Variants in PTPRD observed in about 807,000 individuals in gnomAD.
PTPRD encodes the protein protein tyrosine phosphatase receptor type D, also known as receptor-type tyrosine-protein phosphatase delta.
PTPRD carries 34 observed loss-of-function variants against 214.5 expected under a neutral mutation model. The observed-to-expected ratio is 0.16, with a 90% CI of 0.12 to 0.21. The LOEUF is 0.21. Among genes scored for constraint, PTPRD ranks in the 10% least tolerant of loss-of-function variants. The probability of loss-of-function intolerance (pLI) is 1.00; values close to 1 mark genes in which losing one functional copy is unlikely to be tolerated. For missense variants in PTPRD, 2,545 were observed against 2,398.7 expected, an observed-to-expected ratio of 1.06 and a Z score of -1.27; for synonymous variants, 1,128 against 845.7, an observed-to-expected ratio of 1.33 and a Z score of -5.79.
chr9:9,057,632 G>A (rs10816040), intron 10 of PTPRD, among the ~76,000 whole-genome samples: 19,575 of 151,708 alleles, frequency 0.13, 1,489 homozygotes, highest in East Asian at 0.34. Context: ...ATAATTTCTC[G>A]TAAAGTACAT....
At chr9:9,924,732 TA>T (rs2083674314) in intron 5 of PTPRD, among the ~76,000 whole-genome samples, 1 of 152,094 alleles carries the variant, frequency 6.6e-6, no homozygotes, top group South Asian at 2.1e-4. Context: ...TTCGTATCTC[TA>T]AAAATAATTG....
chr9:9,718,570 G>A (rs1007641072), intron 7 of PTPRD, among the ~76,000 whole-genome samples: 1 of 152,220 alleles, frequency 6.6e-6, no homozygotes. Flanking sequence ...AGAGACCCAG[G>A]AAGCCCCCTT....
chr9:8,922,496 A>C (rs2098834620), intron 11 of PTPRD, among the ~76,000 whole-genome samples: 3 of 152,240 alleles, frequency 2.0e-5, no homozygotes, highest in African/African-American at 7.2e-5. Flanking sequence ...AACAATAGTC[A>C]TAATAACATT....
chr9:9,626,885 T>C (rs1172584895), intron 7 of PTPRD, among the ~76,000 whole-genome samples: 1 of 152,032 alleles, frequency 6.6e-6, no homozygotes, highest in African/African-American at 2.4e-5. Flanking sequence ...TGAAAGGAGA[T>C]GAAGGAAAAA....
At chr9:9,581,800 A>T (rs1401078506) in intron 7 of PTPRD, among the ~76,000 whole-genome samples, 3 of 152,160 alleles carry the variant, frequency 2.0e-5, no homozygotes, top group African/African-American at 7.2e-5. Flanking sequence ...TGAATAATGT[A>T]TGTAAATCTA....
At position 10,278,761 on chromosome 9, in the gene PTPRD, G is replaced by GT. The variant is rs550606488; in HGVS notation, c.-545+62201dup. 1.6e-3 allele frequency among the ~76,000 whole-genome samples: 242 copies of GT among 147,664 alleles called. 2 individuals are homozygous for GT. Among genetic ancestry groups the GT allele is most frequent in the South Asian group, 0.011 (53 of 4,630 alleles). On this transcript the variant is annotated intron_variant, in intron 3 of 45. Coordinates refer to ENST00000381196, the MANE Select transcript of PTPRD (RefSeq NM_002839.4). ...ATCTTATCTTCATGTGTGGTAAAAG[G>GT]TTTTTTTTTTGTTTTGTTTTGTTTT...
chr9:8,536,142 G>C (rs889968470), intron 14 of PTPRD, among the ~76,000 whole-genome samples: 1 of 151,760 alleles, frequency 6.6e-6, no homozygotes, highest in African/African-American at 2.4e-5. Context: ...ATTAAAGAAA[G>C]TCTTTCAGCT....
At chr9:8,344,009 T>C (rs1855080679) in intron 39 of PTPRD, among the ~76,000 whole-genome samples, 1 of 152,082 alleles carries the variant, frequency 6.6e-6, no homozygotes, top group Admixed American at 6.6e-5. Flanking sequence ...TCACTTTAAG[T>C]AGTCTCTTTG....
intron 10 of PTPRD, among the ~76,000 whole-genome samples, chr9:9,176,370 T>C (rs1292596074): frequency 6.6e-6 from 1 of 152,208 alleles, no homozygotes; most frequent in Admixed American, 6.5e-5. Flanking sequence ...TCTATCTATA[T>C]AGTTCTATGC....
At chr9:10,381,149 T>A (rs1274398463) in intron 2 of PTPRD, among the ~76,000 whole-genome samples, 1 of 151,924 alleles carries the variant, frequency 6.6e-6, no homozygotes, top group Non-Finnish European at 1.5e-5. Flanking sequence ...ATTTTTTAAA[T>A]GCTCCCAACT....
intron 5 of PTPRD, among the ~76,000 whole-genome samples, chr9:9,910,425 C>G (rs7871708): frequency 7.7e-4 from 117 of 151,480 alleles, no homozygotes; most frequent in African/African-American, 2.7e-3. Flanking sequence ...AATAATCCCA[C>G]GATTTTCTAG....
chr9:8,318,395 C>G (rs1315516129), intron 45 of PTPRD, among the ~76,000 whole-genome samples: 1 of 152,048 alleles, frequency 6.6e-6, no homozygotes, highest in Admixed American at 6.6e-5. Flanking sequence ...TGAGAAAAAT[C>G]TGAATTTACT....
rs35142087 is a variant in PTPRD at position 10,056,320 on chromosome 9, CA to C, written c.-544-22531del. On this transcript the variant is annotated intron_variant, in intron 3 of 45. Transcript: ENST00000381196. The stretch of plus-strand genomic sequence containing the variant: ...TGGGTGACAGAGAGAGACTCCATCT[CA>C]AAAAAAAAAAAAAGTGTCTATTAAA... Among the ~76,000 whole-genome samples, 590 of 126,938 alleles carry C rather than the reference CA, an allele frequency of 4.6e-3. 1 individual carries two copies. The Middle Eastern group carries it at 0.082, about 18-fold the overall frequency. The allele number at this position is 126,938 out of a possible 152,430, so 83.3% of individuals were successfully genotyped here. A position where few individuals can be genotyped will look rare whatever the true frequency, so the allele number is the denominator to read the frequency against.
intron 11 of PTPRD, among the ~76,000 whole-genome samples, chr9:8,935,155 A>G (rs2154288994): frequency 6.6e-6 from 1 of 152,302 alleles, no homozygotes; most frequent in East Asian, 1.9e-4. Context: ...AAAAGGAAGA[A>G]GTAAAATTGC....
chr9:10,535,049 C>T (rs187097524), intron 2 of PTPRD, among the ~76,000 whole-genome samples: 68 of 152,282 alleles, frequency 4.5e-4, no homozygotes, highest in African/African-American at 1.6e-3. Flanking sequence ...TTGTTTACAG[C>T]TGGGGGATGG....
intron 3 of PTPRD, among the ~76,000 whole-genome samples, chr9:10,049,355 G>A (rs1232473522): frequency 7.4e-6 from 1 of 135,384 alleles, no homozygotes; most frequent in Non-Finnish European, 1.5e-5. Context: ...AGCTTCTTTA[G>A]AACATACTGA....
Position 8,635,907 on chromosome 9 carries a change from A to C in PTPRD, c.210+792T>G, listed in dbSNP as rs181517845. ...AGAATGAGCAAATTTCTAAACCATC[A>C]GCCTTCTCACAAACACTCAAAAAAA... On this transcript the variant is annotated intron_variant, in intron 13 of 45. Transcript: ENST00000381196. Among the ~76,000 whole-genome samples, 6 of 152,234 alleles carry C rather than the reference A, an allele frequency of 3.9e-5. No homozygotes were observed. The East Asian group carries it at 9.7e-4, about 25-fold the overall frequency.
chr9:9,061,843 G>A (rs899338558), intron 10 of PTPRD, among the ~76,000 whole-genome samples: 10 of 152,006 alleles, frequency 6.6e-5, no homozygotes, highest in Non-Finnish European at 1.2e-4. Flanking sequence ...CTGTAGAGAG[G>A]CAGGGTTGCT....
At chr9:8,843,042 C>A (rs1217532778) in intron 11 of PTPRD, among the ~76,000 whole-genome samples, 2 of 152,136 alleles carry the variant, frequency 1.3e-5, no homozygotes, top group Non-Finnish European at 2.9e-5. Context: ...ACATAATCAC[C>A]CTACTGAGCC....
Sources: gnomAD v4.1 joint callset for allele counts (sites outside exome capture counted in the v4.1 genomes callset) on GRCh38, gnomAD v4.1.1 for gene constraint, MANE v1.5 for transcripts, NCBI Gene and HGNC (gene_info 2026-07-23, HGNC 2026-07-21) for gene names.